The following GPHN variants were observed in gnomAD, a reference collection of about 807,000 sequenced individuals.
The protein encoded by GPHN is gephyrin.
GPHN carries 17 observed loss-of-function variants against 95.5 expected under a neutral mutation model. The ratio of observed to expected loss-of-function variants is 0.18; its 90% confidence interval spans 0.12 to 0.27. The LOEUF (loss-of-function observed/expected upper bound fraction) is 0.27, where lower values mean the gene tolerates loss of function less well. GPHN is among the 10% of genes least tolerant of loss of function. The probability of loss-of-function intolerance (pLI) is 1.00; values close to 1 mark genes in which losing one functional copy is unlikely to be tolerated. For missense variants in GPHN, 660 were observed against 978.1 expected, an observed-to-expected ratio of 0.67 and a Z score of 4.34; for synonymous variants, 320 against 322.5, an observed-to-expected ratio of 0.99 and a Z score of 0.08.
the GPHN span, among the ~76,000 whole-genome samples, chr14:67,544,656 C>A: frequency 1.3e-5 from 2 of 152,202 alleles, no homozygotes; most frequent in African/African-American, 4.8e-5. Flanking sequence ...AAGAACAAGA[C>A]ACTACCTAAA....
At chr14:66,831,825 G>C (rs892669977) in intron 4 of GPHN, among the ~76,000 whole-genome samples, 1 of 152,140 alleles carries the variant, frequency 6.6e-6, no homozygotes, top group South Asian at 2.1e-4. Flanking sequence ...ACTCTTTTAA[G>C]CATATGTTAA....
chr14:66,997,804 A>G (rs961116013), intron 9 of GPHN, among the ~76,000 whole-genome samples: 3 of 152,342 alleles, frequency 2.0e-5, no homozygotes, highest in Admixed American at 2.0e-4. Flanking sequence ...TTCTTGAAAC[A>G]TACCACTAGG....
At chr14:67,599,959 C>A in the GPHN span, 6 of 1,403,718 alleles carry the variant, frequency 4.3e-6, no homozygotes, top group South Asian at 8.0e-5. Flanking sequence ...GACCAAAGAC[C>A]CCAAAGACCC....
At chr14:67,655,419 G>T in the GPHN span, among the ~76,000 whole-genome samples, 1 of 152,290 alleles carries the variant, frequency 6.6e-6, no homozygotes, top group East Asian at 1.9e-4. Context: ...AGTGACAGCA[G>T]ACTAGAGATC....
At chr14:66,808,738 A>C (rs1320798662) in intron 3 of GPHN, among the ~76,000 whole-genome samples, 1 of 152,188 alleles carries the variant, frequency 6.6e-6, no homozygotes. Flanking sequence ...CAGAGGTTGC[A>C]GTGAGCCAAG....
the GPHN span, among the ~76,000 whole-genome samples, chr14:67,355,868 G>C: frequency 1.3e-5 from 2 of 151,946 alleles, no homozygotes; most frequent in African/African-American, 4.8e-5. Flanking sequence ...GGCATGGTAG[G>C]GCACACCGGT....
At chr14:66,580,204 A>G (rs2061097882) in intron 1 of GPHN, among the ~76,000 whole-genome samples, 1 of 151,898 alleles carries the variant, frequency 6.6e-6, no homozygotes, top group African/African-American at 2.4e-5. Flanking sequence ...ATCAATTTGT[A>G]TAGGATGCAG....
intron 11 of GPHN, among the ~76,000 whole-genome samples, chr14:67,081,008 G>C (rs1314261161): frequency 2.0e-5 from 3 of 152,130 alleles, no homozygotes; most frequent in Admixed American, 2.0e-4. Context: ...TCCACTCATG[G>C]ATTGGTGGGC....
intron 10 of GPHN, among the ~76,000 whole-genome samples, chr14:67,028,274 GAC>G (rs959532494): frequency 6.6e-6 from 1 of 152,112 alleles, no homozygotes; most frequent in African/African-American, 2.4e-5. Flanking sequence ...TTTATTGATG[GAC>G]ACAGTTTAAT....
chr14:67,111,327 T>G lies in GPHN; in HGVS notation c.1414-534T>G, dbSNP rs145652123. ...CAGATGACAAGACACAGTTCCAATG[T>G]CACAATATTATTCACAGCCCATAAA... On this transcript the variant is annotated intron_variant, in intron 14 of 22. Coordinates refer to ENST00000478722, the MANE Select transcript of GPHN (RefSeq NM_020806.5). Among the ~76,000 whole-genome samples, 748 of 152,288 alleles carry G rather than the reference T, an allele frequency of 4.9e-3. 7 individuals are homozygous for G. Among genetic ancestry groups the G allele is most frequent in the Middle Eastern group, 0.031 (9 of 294 alleles).
intron 1 of GPHN, among the ~76,000 whole-genome samples, chr14:66,622,840 A>G (rs892618932): frequency 1.3e-5 from 2 of 152,170 alleles, no homozygotes; most frequent in African/African-American, 4.8e-5. Context: ...AAAGCCATTC[A>G]ACAAATCTCT....
chr14:66,893,389 A>G (rs112301551), intron 5 of GPHN, among the ~76,000 whole-genome samples: 79 of 152,266 alleles, frequency 5.2e-4, no homozygotes, highest in African/African-American at 1.6e-3. Flanking sequence ...ATTTATGACA[A>G]ACCCACAGCC....
the GPHN span, among the ~76,000 whole-genome samples, chr14:67,490,696 C>T: frequency 1.9e-3 from 294 of 152,244 alleles, 1 homozygote; most frequent in African/African-American, 6.5e-3. Flanking sequence ...TCTCTCTCCC[C>T]GGCCCCTCAT....
intron 9 of GPHN, among the ~76,000 whole-genome samples, chr14:66,977,503 C>T (rs1179701026): frequency 6.6e-6 from 1 of 151,938 alleles, no homozygotes; most frequent in African/African-American, 2.4e-5. Flanking sequence ...ATTAAAGAGG[C>T]CATCTCAAAC....
Position 66,743,185 on chromosome 14 carries a change from C to CTT in GPHN, c.144-33269_144-33268dup, listed in dbSNP as rs113300979. Among the ~76,000 whole-genome samples the CTT allele has an allele frequency of 5.7e-4, 83 of 146,234 alleles. 1 individual carries two copies. The highest frequency in any genetic ancestry group is 1.9e-3 in the African/African-American group (77 of 40,202). Reference sequence around the variant, plus strand: ...GACCTGATTCCCTGTGTAGAGAGTTCTTTTTTTTTTTAATTGTTCCAGTTT... The same window carrying CTT: ...GACCTGATTCCCTGTGTAGAGAGTTCTTTTTTTTTTTTTAATTGTTCCAGTTT... On this transcript the variant is annotated intron_variant, in intron 2 of 22. Coordinates refer to ENST00000478722, the MANE Select transcript of GPHN (RefSeq NM_020806.5).
the GPHN span, among the ~76,000 whole-genome samples, chr14:67,619,246 T>C: frequency 6.6e-6 from 1 of 152,334 alleles, no homozygotes; most frequent in East Asian, 1.9e-4. Context: ...TACGTTGCTA[T>C]ATTTGCTTTT....
intron 3 of GPHN, among the ~76,000 whole-genome samples, chr14:66,784,869 A>G (rs1028856113): frequency 3.9e-5 from 6 of 152,258 alleles, no homozygotes; most frequent in African/African-American, 9.6e-5. Flanking sequence ...CTTAAGGCCT[A>G]TGGTCTTAAT....
the GPHN span, chr14:67,542,098 T>C: frequency 9.2e-7 from 1 of 1,083,426 alleles, no homozygotes; most frequent in Non-Finnish European, 1.3e-6. Flanking sequence ...TTCAGTAAGA[T>C]GCTTTTCCCC....
intron 18 of GPHN, among the ~76,000 whole-genome samples, chr14:67,156,601 G>A (rs2081601535): frequency 6.6e-6 from 1 of 152,102 alleles, no homozygotes; most frequent in Non-Finnish European, 1.5e-5. Context: ...CCTAAGGGAG[G>A]TATAGAAGAA....
Sources: allele counts gnomAD v4.1 joint callset (sites outside exome capture counted in the v4.1 genomes callset), GRCh38; gene constraint gnomAD v4.1.1; transcripts MANE v1.5; gene names NCBI Gene and HGNC (gene_info 2026-07-23, HGNC 2026-07-21).